The following OLA1 variants were observed in gnomAD, a reference collection of about 807,000 sequenced individuals.
OLA1 encodes Obg like ATPase 1.
In OLA1, 14 loss-of-function variants were observed where a neutral mutation model predicts 48.4. The ratio of observed to expected loss-of-function variants is 0.29; its 90% confidence interval spans 0.19 to 0.45. The LOEUF (loss-of-function observed/expected upper bound fraction) is 0.45, where lower values mean the gene tolerates loss of function less well. Ranked by LOEUF, OLA1 falls within the 20% of genes least tolerant of loss-of-function variation. The pLI is 1.00. For synonymous variants in OLA1, 127 were observed against 150.4 expected (o/e 0.84, Z 1.14); for missense variants, 325 against 467.1 (o/e 0.70, Z 2.80).
intron 2 of OLA1, among the ~76,000 whole-genome samples, chr2:174,233,460 G>A (rs944432562): frequency 8.6e-5 from 13 of 152,012 alleles, no homozygotes; most frequent in Non-Finnish European, 1.3e-4. Flanking sequence ...TGCAACCTCC[G>A]CCTCCTGGGT....
At chr2:174,223,765 C>CAAAAA (rs71021680) in intron 3 of OLA1, among the ~76,000 whole-genome samples, 18 of 73,340 alleles carry the variant, frequency 2.5e-4, no homozygotes, top group Non-Finnish European at 3.4e-4. Context: ...GTTATATAGA[C>CAAAAA]AAAAAAAAAA....
At position 174,141,916 on chromosome 2, in the gene OLA1, T is replaced by C. The variant is rs1686458220; in HGVS notation, c.458A>G (p.Gln153Arg). The C allele has an allele frequency of 6.2e-7, 1 of 1,612,950 alleles. No homozygotes were observed. The highest frequency in any genetic ancestry group is 8.5e-7 in the Non-Finnish European group (1 of 1,179,610). The change falls in exon 5 of 11, where the codon CAG becomes CGG. Residue 153 changes from glutamine (Q) to arginine (R), a missense_variant. Gln to Arg is a conservative substitution (Grantham distance 43). Transcript: ENST00000284719. ...RDIEIIHEEL[Q>R]LKDEEMIGPI... ...CCCAATCATTTCCTCATCTTTAAGC[T>C]GAAGCTCTTCATGTATTATTTCTAT...
rs916075152 is a variant in OLA1, at chr2:174,090,692, G to A, written c.729-8628C>T. Reference sequence around the variant, plus strand: ...GTAAGAAGGGAAGTGGGGAAAGATGGGAAAACCCTTGTTCTTGAAATCATA... The same window carrying A: ...GTAAGAAGGGAAGTGGGGAAAGATGAGAAAACCCTTGTTCTTGAAATCATA... On this transcript the variant is annotated intron_variant, in intron 7 of 10. Coordinates refer to ENST00000284719, the MANE Select transcript of OLA1 (RefSeq NM_013341.5). Among the ~76,000 whole-genome samples, 95 of 152,294 alleles carry A rather than the reference G, an allele frequency of 6.2e-4. 1 individual carries two copies. The highest frequency in any genetic ancestry group is 2.1e-3 in the African/African-American group (89 of 41,550).
At chr2:174,161,313 T>C (rs1687006577) in intron 4 of OLA1, among the ~76,000 whole-genome samples, 1 of 152,206 alleles carries the variant, frequency 6.6e-6, no homozygotes, top group Non-Finnish European at 1.5e-5. Context: ...ATAACTTATA[T>C]AGGCCTACTT....
At chr2:174,215,047 CAA>C (rs527994410) in intron 4 of OLA1, among the ~76,000 whole-genome samples, 13 of 109,648 alleles carry the variant, frequency 1.2e-4, no homozygotes, top group African/African-American at 1.4e-4. Flanking sequence ...GAGACTATCT[CAA>C]AAAAAAAAAA....
intron 4 of OLA1, among the ~76,000 whole-genome samples, chr2:174,155,855 G>T (rs1335159993): frequency 1.3e-5 from 2 of 152,112 alleles, no homozygotes; most frequent in Admixed American, 1.3e-4. Flanking sequence ...GCAAAGGGAC[G>T]CAGAGAGTAA....
chr2:174,082,754 G>A (rs1247125211), intron 7 of OLA1, among the ~76,000 whole-genome samples: 2 of 152,084 alleles, frequency 1.3e-5, no homozygotes, highest in African/African-American at 4.8e-5. Context: ...AAATCAGTTA[G>A]GAAACTGATC....
At chr2:174,222,220 G>A (rs991723781) in intron 4 of OLA1, among the ~76,000 whole-genome samples, 10 of 152,040 alleles carry the variant, frequency 6.6e-5, no homozygotes, top group African/African-American at 2.2e-4. Flanking sequence ...AAAAAGTACC[G>A]GCAGAATTTT....
chr2:174,194,199 G>A (rs1687835141), intron 4 of OLA1, among the ~76,000 whole-genome samples: 5 of 151,956 alleles, frequency 3.3e-5, no homozygotes, highest in Admixed American at 3.3e-4. Context: ...ATACTTTTGG[G>A]GACTCTTTCC....
intron 7 of OLA1, among the ~76,000 whole-genome samples, chr2:174,109,119 T>C (rs369189206): frequency 2.6e-5 from 4 of 152,208 alleles, no homozygotes; most frequent in Non-Finnish European, 5.9e-5. Flanking sequence ...TGTGTAACTA[T>C]TGAATATTTC....
chr2:174,139,324 G>A (rs1484421156), intron 5 of OLA1, among the ~76,000 whole-genome samples: 1 of 152,230 alleles, frequency 6.6e-6, no homozygotes, highest in Non-Finnish European at 1.5e-5. Flanking sequence ...GCTACCAGAA[G>A]CTAGAACTTC....
At chr2:174,163,141 A>T (rs13390484) in intron 4 of OLA1, among the ~76,000 whole-genome samples, 82,180 of 151,994 alleles carry the variant, frequency 0.54, 22,856 homozygotes, top group East Asian at 0.95. Context: ...TTCCCAGCCC[A>T]CTCCTTGATT....
intron 4 of OLA1, among the ~76,000 whole-genome samples, chr2:174,194,452 C>T (rs1687839656): frequency 6.6e-6 from 1 of 152,142 alleles, no homozygotes; most frequent in African/African-American, 2.4e-5. Context: ...TATATCCTTA[C>T]ATTTTAAAGT....
intron 4 of OLA1, among the ~76,000 whole-genome samples, chr2:174,163,423 C>G (rs545127941): frequency 2.0e-5 from 3 of 151,800 alleles, no homozygotes; most frequent in African/African-American, 7.2e-5. Context: ...TGTGGTGGCT[C>G]ACGCCTGTAA....
At chr2:174,247,494 G>A (rs905681980) in intron 1 of OLA1, among the ~76,000 whole-genome samples, 1 of 152,146 alleles carries the variant, frequency 6.6e-6, no homozygotes, top group Non-Finnish European at 1.5e-5. Flanking sequence ...CCTGATATAT[G>A]GTTATATGAA....
At chr2:174,173,331 C>T (rs376593626) in intron 4 of OLA1, among the ~76,000 whole-genome samples, 2 of 151,738 alleles carry the variant, frequency 1.3e-5, no homozygotes, top group South Asian at 2.1e-4. Context: ...TAAGTACTTG[C>T]TTTCGTCGAA....
chr2:174,110,605 A>G (rs1345946347), intron 7 of OLA1, among the ~76,000 whole-genome samples: 2 of 151,196 alleles, frequency 1.3e-5, no homozygotes, highest in Non-Finnish European at 2.9e-5. Context: ...CCATCACAAG[A>G]GGCTAATTTC....
chr2:174,246,897 T>C lies in OLA1; in HGVS notation c.1-82A>G, dbSNP rs1689137722. 4.0e-6 allele frequency: 3 copies of C among 750,168 alleles called. No homozygotes were observed. In the Admixed American group the frequency reaches 7.6e-5, roughly 19 times the overall value. The allele number at this position is 750,168 out of a possible 1,614,324, so 46.5% of individuals were successfully genotyped here. ...AACACATTTCATCACATACAATATA[T>C]TATTGAATTAAGATTAAGAACAAAA... On this transcript the variant is annotated intron_variant, in intron 1 of 10. Transcript: ENST00000284719.
chr2:174,137,275 G>T (rs141262380), intron 5 of OLA1, among the ~76,000 whole-genome samples: 274 of 152,298 alleles, frequency 1.8e-3, no homozygotes, highest in African/African-American at 6.3e-3. Flanking sequence ...CTGAGCAGTA[G>T]GTCTCAAGAG....
Sources: allele counts gnomAD v4.1 joint callset (sites outside exome capture counted in the v4.1 genomes callset), GRCh38; gene constraint gnomAD v4.1.1; transcripts MANE v1.5; gene names NCBI Gene and HGNC (gene_info 2026-07-23, HGNC 2026-07-21).